Variants in ASTN1 observed in about 807,000 individuals in gnomAD.
ASTN1 encodes astrotactin 1, also known as astrotactin-1.
ASTN1 carries 41 observed loss-of-function variants against 140.7 expected under a neutral mutation model. The observed-to-expected ratio is 0.29, with a 90% CI of 0.23 to 0.38. The LOEUF is 0.38. Among genes scored for constraint, ASTN1 ranks in the 10% least tolerant of loss-of-function variants. ASTN1 has a pLI of 1.00. For missense variants in ASTN1, 1,479 were observed against 1,678.8 expected (o/e 0.88, Z 2.08); for synonymous variants, 640 against 652.2 (o/e 0.98, Z 0.29).
chr1:177,095,878 C>A (rs915962376), intron 1 of ASTN1, among the ~76,000 whole-genome samples: 2 of 152,190 alleles, frequency 1.3e-5, no homozygotes, highest in Non-Finnish European at 2.9e-5. Context: ...AGGAGAGCTG[C>A]CTCATCAGCT....
In ASTN1 at chr1:177,023,558, G is replaced by A; in HGVS notation, c.1284C>T (p.Ile428=). The A allele has an allele frequency of 6.3e-7, 1 of 1,595,496 alleles. No individual in the cohort carries two copies. The highest frequency in any genetic ancestry group is 8.5e-7 in the Non-Finnish European group (1 of 1,173,568). Residue 428 remains isoleucine, a synonymous_variant, in exon 7 of 23, where the codon ATC becomes ATT. Coordinates refer to ENST00000361833, the MANE Select transcript of ASTN1 (RefSeq NM_004319.3). ...EHLIADGSRF[I]LLEGSQLDAS... ...CATCCAGCTGGCTCCCCTCCAGCAAGATGAAGCGGCTCCCTGCAGGGTGAG... is the reference window on the plus strand; with the variant it reads ...CATCCAGCTGGCTCCCCTCCAGCAAAATGAAGCGGCTCCCTGCAGGGTGAG...
At chr1:176,860,736 T>G (rs912428636), downstream of ASTN1, among the ~76,000 whole-genome samples, 18 of 152,302 alleles carry the variant, frequency 1.2e-4, no homozygotes, top group African/African-American at 3.8e-4. Context: ...ATTTTCCCCA[T>G]AGGATGCCAC....
chr1:177,158,079 T>C (rs969874591), intron 1 of ASTN1, among the ~76,000 whole-genome samples: 11 of 152,220 alleles, frequency 7.2e-5, no homozygotes, highest in Admixed American at 2.0e-4. Flanking sequence ...TCCTGTGTAA[T>C]GAAAAGCTAG....
At chr1:176,951,722 C>A (rs187798384) in intron 11 of ASTN1, among the ~76,000 whole-genome samples, 311 of 152,296 alleles carry the variant, frequency 2.0e-3, no homozygotes, top group African/African-American at 7.2e-3. Flanking sequence ...CACTGCTATC[C>A]CAAATTGGAC....
intron 1 of ASTN1, among the ~76,000 whole-genome samples, chr1:177,122,331 C>G (rs945766821): frequency 2.0e-5 from 3 of 152,094 alleles, no homozygotes; most frequent in African/African-American, 7.2e-5. Flanking sequence ...CCACCCAAAA[C>G]AAAACCCAGA....
At chr1:177,049,971 T>C (rs1411627237) in intron 2 of ASTN1, among the ~76,000 whole-genome samples, 1 of 152,168 alleles carries the variant, frequency 6.6e-6, no homozygotes, top group Non-Finnish European at 1.5e-5. Flanking sequence ...ATACATTCCA[T>C]GACACTTAGG....
At chr1:176,960,708 G>A (rs1672621236) in intron 9 of ASTN1, among the ~76,000 whole-genome samples, 1 of 152,106 alleles carries the variant, frequency 6.6e-6, no homozygotes, top group Non-Finnish European at 1.5e-5. Flanking sequence ...CAAACCCTGG[G>A]TCACCCTCTG....
chr1:177,044,315 T>C (rs1677114592), intron 2 of ASTN1, among the ~76,000 whole-genome samples: 1 of 151,270 alleles, frequency 6.6e-6, no homozygotes, highest in East Asian at 2.0e-4. Flanking sequence ...TCCTCTCTTG[T>C]ACTGGCATTT....
intron 2 of ASTN1, among the ~76,000 whole-genome samples, chr1:177,045,249 G>A (rs1232301239): frequency 6.6e-6 from 1 of 152,092 alleles, no homozygotes; most frequent in Non-Finnish European, 1.5e-5. Context: ...TCATGGCTCT[G>A]ACTGGACTTG....
At chr1:177,076,094 A>C (rs974976228) in intron 1 of ASTN1, among the ~76,000 whole-genome samples, 19 of 151,892 alleles carry the variant, frequency 1.3e-4, no homozygotes, top group African/African-American at 4.6e-4. Context: ...CCTGGCTAAC[A>C]TGGTGAAACC....
intron 1 of ASTN1, among the ~76,000 whole-genome samples, chr1:177,155,476 T>C (rs1304079553): frequency 2.0e-5 from 3 of 152,222 alleles, no homozygotes; most frequent in South Asian, 4.1e-4. Flanking sequence ...GGGGGGAAAG[T>C]GTTGGCCTAA....
At chr1:177,091,750 A>T (rs1476493729) in intron 1 of ASTN1, among the ~76,000 whole-genome samples, 2 of 152,052 alleles carry the variant, frequency 1.3e-5, no homozygotes, top group Non-Finnish European at 2.9e-5. Context: ...TTCTGTCTCT[A>T]TGTATTTGCC....
At position 177,024,750 on chromosome 1, in the gene ASTN1, G is replaced by A. The variant is rs1676018583; in HGVS notation, c.1121-18C>T. 1.9e-6 allele frequency: 3 copies of A among 1,610,014 alleles called. No homozygotes were observed. Among genetic ancestry groups the A allele is most frequent in the African/African-American group, 1.3e-5 (1 of 74,986 alleles). ...AGAACCCACTGAAAGTGAGACAAAA[G>A]CAAGATACATGGTGGTAAAAAGCTT... On this transcript the variant is annotated intron_variant, in intron 5 of 22. Transcript: ENST00000361833.
intron 1 of ASTN1, among the ~76,000 whole-genome samples, chr1:177,128,441 T>C (rs1324197342): frequency 6.6e-6 from 1 of 152,210 alleles, no homozygotes; most frequent in Non-Finnish European, 1.5e-5. Context: ...ATTCTCCATA[T>C]ATTTCTTTCA....
chr1:177,151,128 G>A (rs1253100841), intron 1 of ASTN1, among the ~76,000 whole-genome samples: 1 of 152,036 alleles, frequency 6.6e-6, no homozygotes, highest in African/African-American at 2.4e-5. Context: ...AGATTACCAA[G>A]CCAAAGATGT....
rs35209486 is a variant in ASTN1 at position 176,981,211 on chromosome 1, CAAAAAAAAAAA to C, written c.1524-15985_1524-15975del. Among the ~76,000 whole-genome samples, 13 of 24,066 alleles carry C rather than the reference CAAAAAAAAAAA, an allele frequency of 5.4e-4. No individual in the cohort carries two copies. The East Asian group carries it at 0.016, about 29-fold the overall frequency. 15.8% of individuals were successfully genotyped at this position (24,066 alleles called of 152,430 possible). ...TGGGTGACAGAAGGAGACTCTGTCTCAAAAAAAAAAAAAAAAAAAAAAAAAAAAAAGGAAGC... is the reference window on the plus strand; with the variant it reads ...TGGGTGACAGAAGGAGACTCTGTCTCAAAAAAAAAAAAAAAAAAAGGAAGC... On this transcript the variant is annotated intron_variant, in intron 8 of 22. Transcript: ENST00000361833.
chr1:177,123,101 G>A (rs981993849), intron 1 of ASTN1, among the ~76,000 whole-genome samples: 1 of 152,110 alleles, frequency 6.6e-6, no homozygotes, highest in African/African-American at 2.4e-5. Context: ...TGACCACAGG[G>A]TCAGGTGCTA....
downstream of ASTN1, among the ~76,000 whole-genome samples, chr1:176,859,893 A>AT (rs1667913698): frequency 2.0e-5 from 3 of 152,276 alleles, no homozygotes; most frequent in South Asian, 6.2e-4. Flanking sequence ...TTGCAGGGTG[A>AT]TTATTCTCTT....
intron 14 of ASTN1, among the ~76,000 whole-genome samples, chr1:176,942,790 C>T (rs1351144607): frequency 7.8e-6 from 1 of 128,064 alleles, no homozygotes; most frequent in African/African-American, 2.8e-5. Flanking sequence ...CCCACCTTTC[C>T]CAGACCAAAC....
Sources: allele counts gnomAD v4.1 joint callset (sites outside exome capture counted in the v4.1 genomes callset), GRCh38; gene constraint gnomAD v4.1.1; transcripts MANE v1.5; gene names NCBI Gene and HGNC (gene_info 2026-07-23, HGNC 2026-07-21).